Variants in VPS13B observed in about 807,000 individuals in gnomAD.
The protein encoded by VPS13B is vacuolar protein sorting 13 homolog B, also known as intermembrane lipid transfer protein VPS13B.
A neutral mutation model predicts 426.4 loss-of-function variants in VPS13B; 285 were observed. The ratio of observed to expected loss-of-function variants is 0.67; its 90% CI spans 0.61 to 0.74. The LOEUF (loss-of-function observed/expected upper bound fraction) is 0.74. Among genes scored for constraint, VPS13B ranks in the 30% least tolerant of loss-of-function variants. VPS13B has a pLI of 0.00. For synonymous variants in VPS13B, 1,676 were observed against 1,676.4 expected (o/e 1.00, Z 0.01); for missense variants, 4,537 against 4,782.6 (o/e 0.95, Z 1.51).
At position 99,132,610 on chromosome 8, in the gene VPS13B, A is replaced by G. The variant is rs977116418; in HGVS notation, c.1207-2022A>G. 2.0e-4 allele frequency among the ~76,000 whole-genome samples: 31 copies of G among 152,220 alleles called. 1 individual carries two copies. Among genetic ancestry groups the G allele is most frequent in the African/African-American group, 7.5e-4 (31 of 41,454 alleles). The stretch of plus-strand genomic sequence containing the variant: ...TTTGCCTAGATCCATCAGAGGAATC[A>G]CTATCTATGGTGGCTATAGCCTTAC... On this transcript the variant is annotated intron_variant, in intron 8 of 61. Coordinates refer to ENST00000357162, the MANE Select transcript of VPS13B (RefSeq NM_152564.5).
At chr8:99,688,259 A>G (rs1831505219) in intron 35 of VPS13B, among the ~76,000 whole-genome samples, 1 of 151,804 alleles carries the variant, frequency 6.6e-6, no homozygotes, top group African/African-American at 2.4e-5. Flanking sequence ...TTATTTGGAA[A>G]TCACTCTGTG....
At position 99,215,393 on chromosome 8, in the gene VPS13B, T is replaced by C. The variant is rs538387876; in HGVS notation, c.2515+22336T>C. On this transcript the variant is annotated intron_variant, in intron 17 of 61. Coordinates refer to ENST00000357162, the MANE Select transcript of VPS13B (RefSeq NM_152564.5). The stretch of plus-strand genomic sequence containing the variant: ...TGAAAAATTGTTAAAATAGAATTTC[T>C]GTATGCATTCTTATCTGTGTCTAAA... Among the ~76,000 whole-genome samples the C allele has an allele frequency of 8.5e-5, 13 of 152,354 alleles. No homozygotes were observed. In the South Asian group the frequency reaches 2.7e-3, roughly 32 times the overall value.
At chr8:99,110,270 T>TA (rs1847292086) in intron 5 of VPS13B, among the ~76,000 whole-genome samples, 1 of 152,190 alleles carries the variant, frequency 6.6e-6, no homozygotes, top group Admixed American at 6.5e-5. Context: ...ATGGCTAACT[T>TA]AAAATCACTG....
Position 99,818,482 on chromosome 8 carries a change from T to G in VPS13B, c.8393T>G (p.Val2798Gly). Residue 2798 changes from valine to glycine, a missense_variant, in exon 46 of 62, where the codon GTC becomes GGC. By Grantham distance (109) the Val-to-Gly change is moderately radical. Coordinates refer to ENST00000357162, the MANE Select transcript of VPS13B (RefSeq NM_152564.5). ...TCTTCAAACAGTTCCATTATTTATG[T>G]CTGGTGCACAGTTTTGACTTTAGAA... Reference protein sequence around the residue: ...VPSSNSSIIYVWCTVLTLEPN... With the variant: ...VPSSNSSIIYGWCTVLTLEPN... The G allele has an allele frequency of 6.2e-7, 1 of 1,614,084 alleles. No homozygotes were observed. The highest frequency in any genetic ancestry group is 1.1e-5 in the South Asian group (1 of 91,080).
chr8:99,247,334 C>A (rs1416726380), intron 17 of VPS13B, among the ~76,000 whole-genome samples: 1 of 152,166 alleles, frequency 6.6e-6, no homozygotes, highest in Non-Finnish European at 1.5e-5. Context: ...ATGTTTAGAT[C>A]TAAGCTACAA....
At chr8:99,184,302 T>G (rs1196535894) in intron 16 of VPS13B, among the ~76,000 whole-genome samples, 1 of 152,220 alleles carries the variant, frequency 6.6e-6, no homozygotes, top group African/African-American at 2.4e-5. Context: ...GCAATCTGTT[T>G]TGCAATATGA....
chr8:99,488,744 T>C (rs1820433468), intron 25 of VPS13B, among the ~76,000 whole-genome samples: 1 of 152,178 alleles, frequency 6.6e-6, no homozygotes, highest in Non-Finnish European at 1.5e-5. Flanking sequence ...GAAGAGACTT[T>C]GTAAATTTGT....
intron 17 of VPS13B, among the ~76,000 whole-genome samples, chr8:99,242,471 CATTTT>C (rs745924555): frequency 3.9e-5 from 6 of 152,014 alleles, no homozygotes; most frequent in Admixed American, 1.3e-4. Context: ...TGTTTTGTCT[CATTTT>C]ATATGTATAG....
intron 54 of VPS13B, 29 bp from the exon 55 acceptor site, chr8:99,848,747 T>G (rs761312122): frequency 5.3e-5 from 85 of 1,605,402 alleles, no homozygotes; most frequent in Non-Finnish European, 6.8e-5. Context: ...TATTTCTTTT[T>G]AATCAGATTT....
intron 23 of VPS13B, among the ~76,000 whole-genome samples, chr8:99,460,871 G>A (rs1022175360): frequency 1.3e-5 from 2 of 152,158 alleles, no homozygotes; most frequent in African/African-American, 2.4e-5. Context: ...AGTTGTGCTA[G>A]TGGAACCTCC....
intron 3 of VPS13B, among the ~76,000 whole-genome samples, chr8:99,084,800 T>C (rs1347317572): frequency 6.6e-6 from 1 of 152,236 alleles, no homozygotes; most frequent in Non-Finnish European, 1.5e-5. Context: ...CTAGTTTGAC[T>C]GCACTGTGGT....
chr8:99,286,450 CAG>C lies in VPS13B; in HGVS notation c.2824+11199_2824+11200del, dbSNP rs556982303. The stretch of plus-strand genomic sequence containing the variant: ...CTAGATCAAAGGAGAATTTAAAAAA[CAG>C]AGGCATTTGTTGATCAGTAATATCA... On this transcript the variant is annotated intron_variant, in intron 19 of 61. Coordinates refer to ENST00000357162, the MANE Select transcript of VPS13B (RefSeq NM_152564.5). Among the ~76,000 whole-genome samples the C allele has an allele frequency of 1.4e-4, 21 of 152,186 alleles. No homozygotes were observed. In the East Asian group the frequency reaches 4.0e-3, roughly 29 times the overall value.
chr8:99,530,677 T>C (rs752366138), intron 30 of VPS13B, among the ~76,000 whole-genome samples: 1 of 151,532 alleles, frequency 6.6e-6, no homozygotes, highest in Non-Finnish European at 1.5e-5. Context: ...CTAACATCTA[T>C]TGAGTGCTTC....
intron 3 of VPS13B, among the ~76,000 whole-genome samples, chr8:99,057,214 G>T (rs1843927005): frequency 6.6e-6 from 1 of 150,876 alleles, no homozygotes; most frequent in African/African-American, 2.4e-5. Context: ...CAGTCTGTAT[G>T]CCTTTCTACC....
chr8:99,598,351 A>G (rs1201652941), intron 33 of VPS13B, among the ~76,000 whole-genome samples: 1 of 152,098 alleles, frequency 6.6e-6, no homozygotes. Flanking sequence ...AAATATCTGT[A>G]CTATGTAGTA....
chr8:99,121,147 T>C, intron 7 of VPS13B, 30 bp from the exon 8 acceptor site: 1 of 1,596,554 alleles, frequency 6.3e-7, no homozygotes. Context: ...CCTTTTGACT[T>C]ATTTAAAATG....
chr8:99,598,081 C>T (rs1318585007), intron 33 of VPS13B, among the ~76,000 whole-genome samples: 1 of 151,940 alleles, frequency 6.6e-6, no homozygotes, highest in Non-Finnish European at 1.5e-5. Flanking sequence ...AAGTACATAC[C>T]ATGGAGTGCT....
rs1813992458 is a variant in VPS13B at position 99,384,229 on chromosome 8, T to C, written c.2846T>C (p.Ile949Thr). The C allele has an allele frequency of 6.2e-7, 1 of 1,614,016 alleles. No homozygotes were observed. The highest frequency in any genetic ancestry group is 8.5e-7 in the Non-Finnish European group (1 of 1,179,938). ...HNSGAVLLCS[I>T]QGLAVNIDPI... ...TTAGGTGCTGTACTTCTTTGCAGTA[T>C]ACAAGGACTAGCAGTTAATATTGAC... Residue 949 changes from isoleucine (I) to threonine (T), a missense_variant, in exon 20 of 62, where the codon ATA becomes ACA. Physicochemically the swap from Ile to Thr is moderately conservative, Grantham distance 89. Transcript: ENST00000357162.
At chr8:99,136,101 A>G (rs1810056506) in intron 11 of VPS13B, among the ~76,000 whole-genome samples, 2 of 152,070 alleles carry the variant, frequency 1.3e-5, no homozygotes, top group African/African-American at 4.8e-5. Flanking sequence ...GTAAGAATAT[A>G]TTAATATGTT....
Sources: gnomAD v4.1 joint callset for allele counts (sites outside exome capture counted in the v4.1 genomes callset) on GRCh38, gnomAD v4.1.1 for gene constraint, MANE v1.5 for transcripts, NCBI Gene and HGNC (gene_info 2026-07-23, HGNC 2026-07-21) for gene names.